RARB: variants seen among roughly 807,000 people sequenced by gnomAD.
RARB encodes HBV-activated protein.
RARB carries 17 observed loss-of-function variants against 51.9 expected under a neutral mutation model. The observed-to-expected ratio is 0.33, with a 90% CI of 0.22 to 0.49. The LOEUF is 0.49. Ranked by LOEUF, RARB falls within the 20% of genes least tolerant of loss-of-function variation. The probability of loss-of-function intolerance (pLI) is 0.99; values close to 1 mark genes in which losing one functional copy is unlikely to be tolerated. For missense variants in RARB, 369 were observed against 550.8 expected, an observed-to-expected ratio of 0.67 and a Z score of 3.30; for synonymous variants, 215 against 195.4, an observed-to-expected ratio of 1.10 and a Z score of -0.84.
chr3:25,583,585 G>A (rs527608173), intron 5 of RARB, among the ~76,000 whole-genome samples: 1 of 152,366 alleles, frequency 6.6e-6, no homozygotes, highest in African/African-American at 2.4e-5. Flanking sequence ...TCCAGGAAGG[G>A]TTGATTCAGA....
At chr3:24,897,565 T>G (rs1305970407) in intron 2 of RARB, among the ~76,000 whole-genome samples, 1 of 152,160 alleles carries the variant, frequency 6.6e-6, no homozygotes, top group Non-Finnish European at 1.5e-5. Context: ...TATAAAAAAC[T>G]TGAAGCTATA....
At chr3:24,952,823 G>A (rs560002339) in intron 2 of RARB, among the ~76,000 whole-genome samples, 70 of 151,758 alleles carry the variant, frequency 4.6e-4, no homozygotes, top group Non-Finnish European at 9.1e-4. Context: ...GTAACTCATT[G>A]AATTTAAGGT....
chr3:25,118,864 A>G (rs1462785825), intron 3 of RARB, among the ~76,000 whole-genome samples: 1 of 152,156 alleles, frequency 6.6e-6, no homozygotes, highest in Non-Finnish European at 1.5e-5. Flanking sequence ...GTTTTAAGGT[A>G]TAACTTTAAT....
At chr3:25,159,134 A>C (rs1213713555) in intron 4 of RARB, among the ~76,000 whole-genome samples, 1 of 150,890 alleles carries the variant, frequency 6.6e-6, no homozygotes, top group African/African-American at 2.4e-5. Context: ...ATTTCTCCCA[A>C]GAAAACTGTT....
At chr3:25,010,696 A>G (rs1014635653) in intron 2 of RARB, among the ~76,000 whole-genome samples, 12 of 152,124 alleles carry the variant, frequency 7.9e-5, no homozygotes, top group Non-Finnish European at 1.5e-5. Context: ...CTCAAAGAGC[A>G]AGGTGATGCT....
chr3:25,084,749 T>A (rs28620701), intron 3 of RARB, among the ~76,000 whole-genome samples: 1 of 151,676 alleles, frequency 6.6e-6, no homozygotes, highest in Non-Finnish European at 1.5e-5. Flanking sequence ...GGGTTTTTTT[T>A]AATGTTTGTT....
intron 5 of RARB, among the ~76,000 whole-genome samples, chr3:25,291,595 C>T (rs925952232): frequency 2.2e-4 from 34 of 151,738 alleles, no homozygotes; most frequent in African/African-American, 8.0e-4. Context: ...GCTTCACCTG[C>T]CAGTCTGGGC....
intron 4 of RARB, among the ~76,000 whole-genome samples, chr3:25,160,685 AATAGAAATGTATTATCTT>A (rs1700460011): frequency 6.6e-6 from 1 of 152,202 alleles, no homozygotes; most frequent in African/African-American, 2.4e-5. Context: ...ACAAGCTTAA[AATAGAAATGTATTATCTT>A]ATAGCTCTGG....
chr3:25,120,187 A>C (rs985818289), intron 3 of RARB, among the ~76,000 whole-genome samples: 2 of 152,122 alleles, frequency 1.3e-5, no homozygotes, highest in African/African-American at 4.8e-5. Flanking sequence ...CAGGAACCAG[A>C]TAGGTAACAT....
At chr3:25,174,480 T>C (rs1328487840) in exon 5 of RARB, 1 of 1,352,010 alleles carries the variant, frequency 7.4e-7, no homozygotes, top group Non-Finnish European at 9.8e-7. Context: ...TACCCGTTAC[T>C]CTTTCCACCT....
At chr3:25,329,466 T>G (rs1359542463) in intron 5 of RARB, among the ~76,000 whole-genome samples, 1 of 152,032 alleles carries the variant, frequency 6.6e-6, no homozygotes, top group East Asian at 1.9e-4. Flanking sequence ...GAAGGAAAAC[T>G]AATAAACAGA....
At position 25,109,542 on chromosome 3, in the gene RARB, A is replaced by G. The variant is rs73047731; in HGVS notation, c.-327-22619A>G. On this transcript the variant is annotated intron_variant, in intron 3 of 11. Transcript: ENST00000383772. ...AGCAAAATATATTTGAAAGTTGGAT[A>G]TGCTGGTTATTAAAATATTGTTACT... is the stretch of plus-strand genomic sequence containing the variant. 5.4e-3 allele frequency among the ~76,000 whole-genome samples: 822 copies of G among 152,286 alleles called. 4 individuals carry two copies. The highest frequency in any genetic ancestry group is 0.02 in the Middle Eastern group (6 of 294).
chr3:25,058,486 A>G (rs1467002842), intron 2 of RARB, among the ~76,000 whole-genome samples: 2 of 150,562 alleles, frequency 1.3e-5, no homozygotes, highest in African/African-American at 4.8e-5. Context: ...TACTAAATCA[A>G]CCAGTAAGAT....
At position 25,081,406 on chromosome 3, in the gene RARB, T is replaced by G. The variant is rs73141456; in HGVS notation, c.-328+21230T>G. 9.1e-3 allele frequency among the ~76,000 whole-genome samples: 1,373 copies of G among 150,890 alleles called. 19 individuals carry two copies. The highest frequency in any genetic ancestry group is 0.032 in the African/African-American group (1,304 of 41,168). Reference sequence around the variant, plus strand: ...CATATTTTGTGGTTGTGGAATATAGTGCTTTTTAAATATCATTTGGATCAA... The same window carrying G: ...CATATTTTGTGGTTGTGGAATATAGGGCTTTTTAAATATCATTTGGATCAA... On this transcript the variant is annotated intron_variant, in intron 3 of 11. Transcript: ENST00000383772.
chr3:24,989,396 A>AGGTGTACCTTCTTTTACCTTTAC (rs367896093), intron 2 of RARB, among the ~76,000 whole-genome samples: 7 of 114,800 alleles, frequency 6.1e-5, no homozygotes, highest in East Asian at 2.8e-4. Flanking sequence ...ACGTAGGAAA[A>AGGTGTACCTTCTTTTACCTTTAC]CATTACTGAA....
At chr3:25,331,742 T>C (rs1704903148) in intron 5 of RARB, among the ~76,000 whole-genome samples, 1 of 152,142 alleles carries the variant, frequency 6.6e-6, no homozygotes, top group African/African-American at 2.4e-5. Context: ...AGGAGCTGGT[T>C]TTTTGGAAAG....
At chr3:25,532,281 T>C (rs1201918308) in intron 3 of RARB, among the ~76,000 whole-genome samples, 1 of 152,132 alleles carries the variant, frequency 6.6e-6, no homozygotes, top group Non-Finnish European at 1.5e-5. Context: ...TTGAAATATG[T>C]TTTCAATATA....
chr3:25,081,599 A>ATATATG (rs1553631070), intron 3 of RARB, among the ~76,000 whole-genome samples: 1 of 16,300 alleles, frequency 6.1e-5, no homozygotes, highest in African/African-American at 2.9e-4. Context: ...ATATATATAT[A>ATATATG]TATATATATA....
chr3:25,017,548 TCTTAA>T (rs1697540331), intron 2 of RARB, among the ~76,000 whole-genome samples: 1 of 152,156 alleles, frequency 6.6e-6, no homozygotes, highest in South Asian at 2.1e-4. Context: ...CTAATAACTA[TCTTAA>T]CTTCAGCTGT....
Sources: allele counts gnomAD v4.1 joint callset (sites outside exome capture counted in the v4.1 genomes callset), GRCh38; gene constraint gnomAD v4.1.1; transcripts MANE v1.5; gene names NCBI Gene and HGNC (gene_info 2026-07-23, HGNC 2026-07-21).